The following JARID2 variants were observed in gnomAD, a reference collection of about 807,000 sequenced individuals.
JARID2 encodes the protein protein Jumonji.
In JARID2, 21 loss-of-function variants were observed where a neutral mutation model predicts 125.6. The ratio of observed to expected loss-of-function variants is 0.17; its 90% CI spans 0.12 to 0.24. The LOEUF is 0.24. JARID2 is among the 10% of genes least tolerant of loss of function. JARID2 has a pLI of 1.00. For missense variants in JARID2, 1,303 were observed against 1,639.6 expected (o/e 0.79, Z 3.55); for synonymous variants, 736 against 661.6 (o/e 1.11, Z -1.73).
At chr6:15,461,182 C>A (rs181821925) in intron 4 of JARID2, among the ~76,000 whole-genome samples, 24 of 152,224 alleles carry the variant, frequency 1.6e-4, no homozygotes, top group Admixed American at 1.3e-3. Flanking sequence ...TTTTAAATTG[C>A]CAGTGCAGAC....
At chr6:15,518,040 T>C (rs1219917297) in intron 17 of JARID2, among the ~76,000 whole-genome samples, 1 of 152,238 alleles carries the variant, frequency 6.6e-6, no homozygotes, top group Non-Finnish European at 1.5e-5. Context: ...TTGAGCTAAA[T>C]GATCGGAGAG....
At chr6:15,359,760 TG>T (rs555977120) in intron 1 of JARID2, among the ~76,000 whole-genome samples, 1 of 151,810 alleles carries the variant, frequency 6.6e-6, no homozygotes, top group Non-Finnish European at 1.5e-5. Context: ...TGGATTGCAG[TG>T]GCACAATCTC....
rs150907283 is a variant in JARID2 at position 15,384,024 on chromosome 6, C to G, written c.181+9772C>G. On this transcript the variant is annotated intron_variant, in intron 2 of 17. Transcript: ENST00000341776. ...GGTCAGGCTGGTCTCGAACTCCTGA[C>G]CCCAGGTAATCTGCTTGCCTCTGCC... Among the ~76,000 whole-genome samples, 1,140 of 152,082 alleles carry G rather than the reference C, an allele frequency of 7.5e-3. 15 individuals are homozygous for G. The highest frequency in any genetic ancestry group is 0.026 in the African/African-American group (1,081 of 41,442).
At chr6:15,515,648 T>G (rs1581673531) in intron 16 of JARID2, among the ~76,000 whole-genome samples, 1 of 150,904 alleles carries the variant, frequency 6.6e-6, no homozygotes, top group Middle Eastern at 3.5e-3. Flanking sequence ...TAACTGGGTG[T>G]GGTGGCGGGG....
At chr6:15,360,938 G>C (rs1009778556) in intron 1 of JARID2, among the ~76,000 whole-genome samples, 3 of 152,126 alleles carry the variant, frequency 2.0e-5, no homozygotes, top group Admixed American at 2.0e-4. Flanking sequence ...AAAGGCTTTT[G>C]TTTATTTTTT....
intron 1 of JARID2, among the ~76,000 whole-genome samples, chr6:15,281,991 C>T (rs184403319): frequency 8.0e-5 from 12 of 150,602 alleles, no homozygotes; most frequent in African/African-American, 2.7e-4. Context: ...GCTCAGTTGC[C>T]AAGGCTGGAG....
chr6:15,413,931 A>G (rs1766014723), intron 3 of JARID2, among the ~76,000 whole-genome samples: 1 of 152,226 alleles, frequency 6.6e-6, no homozygotes, highest in Non-Finnish European at 1.5e-5. Context: ...TGGGGGCCAC[A>G]TTCAGATCAT....
intron 1 of JARID2, among the ~76,000 whole-genome samples, chr6:15,287,622 T>G (rs1761053424): frequency 6.6e-6 from 1 of 152,236 alleles, no homozygotes; most frequent in African/African-American, 2.4e-5. Flanking sequence ...TGTTTCCCTA[T>G]TCAAGTTCAC....
At chr6:15,503,166 A>G (rs181701578) in intron 8 of JARID2, among the ~76,000 whole-genome samples, 229 of 152,306 alleles carry the variant, frequency 1.5e-3, no homozygotes, top group African/African-American at 5.3e-3. Context: ...GCCCACGGGT[A>G]GGGACCGTGA....
chr6:15,305,319 G>A (rs1761781004), intron 1 of JARID2, among the ~76,000 whole-genome samples: 1 of 152,150 alleles, frequency 6.6e-6, no homozygotes, highest in East Asian at 1.9e-4. Flanking sequence ...CAACTCCGCT[G>A]TGGGCCTACC....
chr6:15,480,633 A>C (rs953926524), intron 5 of JARID2, among the ~76,000 whole-genome samples: 1 of 152,196 alleles, frequency 6.6e-6, no homozygotes, highest in Non-Finnish European at 1.5e-5. Flanking sequence ...TTGCAGCAAG[A>C]GCTTTCGAAA....
intron 3 of JARID2, among the ~76,000 whole-genome samples, chr6:15,440,596 GTTGCCCACT>G (rs1767403547): frequency 6.6e-6 from 1 of 152,198 alleles, no homozygotes; most frequent in African/African-American, 2.4e-5. Context: ...ACCTTGCCCT[GTTGCCCACT>G]TTCCATTGGC....
chr6:15,508,900 C>A (rs1771134869), intron 12 of JARID2: 2 of 1,181,008 alleles, frequency 1.7e-6, no homozygotes, highest in Non-Finnish European at 2.2e-6. Context: ...GTAGTAGTGA[C>A]CGTGTCATCA....
Position 15,503,123 on chromosome 6 carries a change from T to TG in JARID2, c.2449-1375dup, listed in dbSNP as rs140537601. 4.8e-3 allele frequency among the ~76,000 whole-genome samples: 730 copies of TG among 152,356 alleles called. 30 individuals are homozygous for TG. In the East Asian group the frequency reaches 0.07, roughly 15 times the overall value. ...CACGGAAATATAGTGGAGCTCTGCG[T>TG]GGTGGCCATGGCGAAGCCCCCAGCA... On this transcript the variant is annotated intron_variant, in intron 8 of 17. Coordinates refer to ENST00000341776, the MANE Select transcript of JARID2 (RefSeq NM_004973.4).
chr6:15,497,363 T>C (rs58121172), intron 7 of JARID2, among the ~76,000 whole-genome samples, 193 bp downstream of exon 7: 22,041 of 152,072 alleles, frequency 0.14, 1,727 homozygotes, highest in African/African-American at 0.16. Context: ...GGTGGCAGGA[T>C]AAGAATGGTA....
At chr6:15,519,866 A>T (rs1004628588) in intron 17 of JARID2, among the ~76,000 whole-genome samples, 1 of 152,072 alleles carries the variant, frequency 6.6e-6, no homozygotes, top group African/African-American at 2.4e-5. Context: ...TGAAACGGCC[A>T]TGCCTGCTAT....
At chr6:15,514,060 C>G (rs954151541) in intron 16 of JARID2, among the ~76,000 whole-genome samples, 3 of 152,352 alleles carry the variant, frequency 2.0e-5, no homozygotes, top group Non-Finnish European at 2.9e-5. Flanking sequence ...TTCCTCGTGC[C>G]CACCTGCCTG....
intron 1 of JARID2, among the ~76,000 whole-genome samples, chr6:15,292,457 A>AG (rs1761263499): frequency 6.6e-6 from 1 of 152,136 alleles, no homozygotes; most frequent in South Asian, 2.1e-4. Context: ...GTGTTTTCTT[A>AG]GGATGGATTA....
intron 3 of JARID2, among the ~76,000 whole-genome samples, chr6:15,442,373 GTTCA>G (rs1418746127): frequency 1.1e-4 from 17 of 152,280 alleles, no homozygotes; most frequent in Non-Finnish European, 2.4e-4. Flanking sequence ...TAGATAATTT[GTTCA>G]CTCCTTGTAA....
Sources: gnomAD v4.1 joint callset for allele counts (sites outside exome capture counted in the v4.1 genomes callset) on GRCh38, gnomAD v4.1.1 for gene constraint, MANE v1.5 for transcripts, NCBI Gene and HGNC (gene_info 2026-07-23, HGNC 2026-07-21) for gene names.